Variants in GTF2H4 observed in about 807,000 individuals in gnomAD.
GTF2H4 encodes the protein BTF2 p52.
GTF2H4 carries 49 observed loss-of-function variants against 62.2 expected under a neutral mutation model. That is an observed-to-expected ratio of 0.79 (90% confidence interval 0.63 to 1.00). GTF2H4 has a LOEUF of 1.00. Ranked by LOEUF, GTF2H4 falls within the 50% of genes least tolerant of loss-of-function variation. The pLI is 0.00. For missense variants in GTF2H4, 479 were observed against 587.8 expected (o/e 0.81, Z 1.91); for synonymous variants, 189 against 233.8 (o/e 0.81, Z 1.75).
Position 30,914,019 on chromosome 6 carries a change from G to GGT in GTF2H4, c.*36_*37insGT. 2.3e-6 allele frequency: 3 copies of GGT among 1,329,164 alleles called. No individual in the cohort carries two copies. The highest frequency in any genetic ancestry group is 3.2e-6 in the Non-Finnish European group (3 of 947,420). The allele number at this position is 1,329,164 out of a possible 1,614,324, so 82.3% of individuals were successfully genotyped here. On this transcript the variant is annotated 3_prime_UTR_variant, in exon 14 of 14. Coordinates refer to ENST00000259895, the MANE Select transcript of GTF2H4 (RefSeq NM_001517.5). ...CTTGGACACGGACCTCGGCGGGCGG[G>GGT]ACTGGGCGGGGCGGGGCATCAGAAC...
In GTF2H4 at chr6:30,910,459, A is replaced by G; in HGVS notation, c.375-206A>G. ...ATTCTCCTGCCTCAGCCTCCTGAGT[A>G]GCTGGGATTACAGGCACCCACCACG... is the stretch of plus-strand genomic sequence containing the variant. On this transcript the variant is annotated intron_variant, in intron 4 of 13. Transcript: ENST00000259895. This position sits in a 1 kb window ranked among gnomAD's most constrained non-coding sequence, Gnocchi z 4.7. 6.5e-6 allele frequency: 4 copies of G among 615,058 alleles called. No individual in the cohort carries two copies. The highest frequency in any genetic ancestry group is 1.2e-5 in the Non-Finnish European group (4 of 340,702). 38.1% of individuals were successfully genotyped at this position (615,058 alleles called of 1,614,324 possible).
rs751297131 is a variant in GTF2H4, at chr6:30,913,881, C to T, written c.1287C>T (p.Gly429=). The T allele has an allele frequency of 5.6e-6, 9 of 1,609,428 alleles. No homozygotes were observed. In the Admixed American group the frequency reaches 1.2e-4, roughly 21 times the overall value. The change falls in exon 14 of 14, where the codon GGC becomes GGT. Residue 429 remains glycine (G), a synonymous_variant. Transcript: ENST00000259895. This position sits in a 1 kb window ranked among gnomAD's most constrained non-coding sequence, Gnocchi z 4.2. ...ELLLAHAREL[G]VLVFENSAKR... Reference sequence around the variant, plus strand: ...TGCTGGCCCACGCGCGGGAGCTGGGCGTGCTCGTGTTCGAGAACTCGGCCA... The same window carrying T: ...TGCTGGCCCACGCGCGGGAGCTGGGTGTGCTCGTGTTCGAGAACTCGGCCA...
Position 30,911,753 on chromosome 6 carries a change from G to C in GTF2H4, c.811G>C (p.Val271Leu), listed in dbSNP as rs1259585497. The C allele has an allele frequency of 6.2e-7, 1 of 1,612,834 alleles. No homozygotes were observed. The highest frequency in any genetic ancestry group is 1.1e-5 in the South Asian group (1 of 91,078). ...GCAACATCTGCGTGAGTTTGGGCTT[G>C]TTTTCCAGAGGAAGGTATGAGCGCC... The part of the protein sequence containing the change: ...FLQHLREFGL[V>L]FQRKRKSRRY... The change falls in exon 9 of 14, where the codon GTT becomes CTT. Residue 271 changes from valine to leucine, a missense_variant. Transcript: ENST00000259895. The surrounding 1 kb of genome is among the most constrained non-coding windows in gnomAD (Gnocchi z 4.3).
rs543859169 is a variant in GTF2H4, at chr6:30,912,678, G to A, written c.1089+220G>A. ...AGGTATAGATCTGGATTTGTGCCTC[G>A]GCACTGCCACATCCTAACTGCGTAA... On this transcript the variant is annotated intron_variant, in intron 11 of 13. Coordinates refer to ENST00000259895, the MANE Select transcript of GTF2H4 (RefSeq NM_001517.5). This position sits in a 1 kb window ranked among gnomAD's most constrained non-coding sequence, Gnocchi z 4.8. Among the ~76,000 whole-genome samples the A allele has an allele frequency of 1.3e-5, 2 of 152,156 alleles. No individual in the cohort carries two copies. The highest frequency in any genetic ancestry group is 2.9e-5 in the Non-Finnish European group (2 of 67,984).
At position 30,912,557 on chromosome 6, in the gene GTF2H4, A is replaced by G; in HGVS notation, c.1089+99A>G. ...GGAAGGCTAGCTCTGAGTCTGTTAT[A>G]ATAGGTGGTGGTGAGTTGTCTGTGT... is the stretch of plus-strand genomic sequence containing the variant. On this transcript the variant is annotated intron_variant, in intron 11 of 13. Transcript: ENST00000259895. The surrounding 1 kb of genome is among the most constrained non-coding windows in gnomAD (Gnocchi z 4.8). The G allele has an allele frequency of 2.7e-6, 4 of 1,457,834 alleles. No individual in the cohort carries two copies. The highest frequency in any genetic ancestry group is 3.8e-6 in the Non-Finnish European group (4 of 1,060,556). 90.3% of individuals were successfully genotyped at this position (1,457,834 alleles called of 1,614,324 possible).
rs143011675 is a variant in GTF2H4 at position 30,911,224 on chromosome 6, G to A, written c.627G>A (p.Pro209=). The part of the protein sequence containing the change: ...AGFQFLLLDT[P]AQLWYFMLQY... Reference sequence around the variant, plus strand: ...TCCAGTTCCTGTTGCTGGACACCCCGGCTCAGCTCTGGTACTTTATGTTGC... The same window carrying A: ...TCCAGTTCCTGTTGCTGGACACCCCAGCTCAGCTCTGGTACTTTATGTTGC... The change falls in exon 7 of 14, where the codon CCG becomes CCA. Residue 209 remains proline (P), a synonymous_variant. Transcript: ENST00000259895. This position sits in a 1 kb window ranked among gnomAD's most constrained non-coding sequence, Gnocchi z 4.3. The A allele has an allele frequency of 5.7e-4, 917 of 1,613,660 alleles. 4 individuals are homozygous for A. The African/African-American group carries it at 7.3e-3, about 13-fold the overall frequency.
In GTF2H4 at chr6:30,912,938, G is replaced by A. The variant is rs1053382209; in HGVS notation, c.1090-172G>A. On this transcript the variant is annotated intron_variant, in intron 11 of 13. Transcript: ENST00000259895. The surrounding 1 kb of genome is among the most constrained non-coding windows in gnomAD (Gnocchi z 4.8). ...ATGTGCCAGAAAAGGAATATCCCACGTTGCTGGGAGCAGCAACGTGGGATA... is the reference window on the plus strand; with the variant it reads ...ATGTGCCAGAAAAGGAATATCCCACATTGCTGGGAGCAGCAACGTGGGATA... Among the ~76,000 whole-genome samples the A allele has an allele frequency of 2.6e-4, 40 of 152,148 alleles. 1 individual carries two copies. Among genetic ancestry groups the A allele is most frequent in the African/African-American group, 7.2e-5 (3 of 41,418 alleles).
At position 30,913,843 on chromosome 6, in the gene GTF2H4, G is replaced by C; in HGVS notation, c.1249G>C (p.Asp417His). ...VLYNQFLSQV[D>H]FELLLAHARE... ...GTATAACCAGTTCCTGTCGCAAGTG[G>C]ACTTTGAGCTGCTGCTGGCCCACGC... The change falls in exon 14 of 14, where the codon GAC becomes CAC. Residue 417 changes from aspartate (D) to histidine (H), a missense_variant. Physicochemically the swap from Asp to His is moderately conservative, Grantham distance 81. Transcript: ENST00000259895. This position sits in a 1 kb window ranked among gnomAD's most constrained non-coding sequence, Gnocchi z 4.2. 1 of 1,603,584 alleles carries C rather than the reference G, an allele frequency of 6.2e-7. No homozygotes were observed. The highest frequency in any genetic ancestry group is 8.5e-7 in the Non-Finnish European group (1 of 1,174,824).
Position 30,911,914 on chromosome 6 carries a change from G to T in GTF2H4, c.826-100G>T, listed in dbSNP as rs555924064. On this transcript the variant is annotated intron_variant, in intron 9 of 13. Transcript: ENST00000259895. The surrounding 1 kb of genome is among the most constrained non-coding windows in gnomAD (Gnocchi z 4.3). ...GGTCTCTCGGGGGAGAGAAGTTGGG[G>T]GTTGAGGTTCTGCATCTTGGGAGGG... 4.1e-4 allele frequency: 606 copies of T among 1,486,726 alleles called. 4 individuals carry two copies. Among genetic ancestry groups the T allele is most frequent in the East Asian group, 1.8e-4 (8 of 44,234 alleles). The allele number at this position is 1,486,726 out of a possible 1,614,324, so 92.1% of individuals were successfully genotyped here.
In GTF2H4 at chr6:30,912,886, AAAAC is replaced by A. The variant is rs957889306; in HGVS notation, c.1090-220_1090-217del. Among the ~76,000 whole-genome samples the A allele has an allele frequency of 6.6e-6, 1 of 152,184 alleles. No homozygotes were observed. The highest frequency in any genetic ancestry group is 6.5e-5 in the Admixed American group (1 of 15,280). On this transcript the variant is annotated intron_variant, in intron 11 of 13. Coordinates refer to ENST00000259895, the MANE Select transcript of GTF2H4 (RefSeq NM_001517.5). This position sits in a 1 kb window ranked among gnomAD's most constrained non-coding sequence, Gnocchi z 4.8. ...TAGCTGCTGCTATTTTAAAGAAAGAAAAACAAAACATTACTGGAAAGGGCGAATG... is the reference window on the plus strand; with the variant it reads ...TAGCTGCTGCTATTTTAAAGAAAGAAAAAACATTACTGGAAAGGGCGAATG...
Position 30,912,273 on chromosome 6 carries a change from G to A in GTF2H4, c.959-55G>A, listed in dbSNP as rs1031869526. On this transcript the variant is annotated intron_variant, in intron 10 of 13. Coordinates refer to ENST00000259895, the MANE Select transcript of GTF2H4 (RefSeq NM_001517.5). This position sits in a 1 kb window ranked among gnomAD's most constrained non-coding sequence, Gnocchi z 4.8. ...CTCATGACACTTGAAAGAAGGGCTT[G>A]AGGGAGTCTGGGTGTGGGGGTGGCC... 3 of 1,608,272 alleles carry A rather than the reference G, an allele frequency of 1.9e-6. No homozygotes were observed. The highest frequency in any genetic ancestry group is 2.7e-5 in the African/African-American group (2 of 74,828).
chr6:30,909,841 C>A lies in GTF2H4; in HGVS notation c.243-91C>A. 1.6e-6 allele frequency: 2 copies of A among 1,277,242 alleles called. No individual in the cohort carries two copies. Among genetic ancestry groups the A allele is most frequent in the South Asian group, 1.4e-5 (1 of 71,098 alleles). The allele number at this position is 1,277,242 out of a possible 1,614,324, so 79.1% of individuals were successfully genotyped here. A position where few individuals can be genotyped will look rare whatever the true frequency, so the allele number is the denominator to read the frequency against. On this transcript the variant is annotated intron_variant, in intron 3 of 13. Coordinates refer to ENST00000259895, the MANE Select transcript of GTF2H4 (RefSeq NM_001517.5). The surrounding 1 kb of genome is among the most constrained non-coding windows in gnomAD (Gnocchi z 4.3). Reference sequence around the variant, plus strand: ...CTCTGTGGAACAGTGTTCCAAGGGTCAGCAAGTTCAGAACAGGCAGAGATG... The same window carrying A: ...CTCTGTGGAACAGTGTTCCAAGGGTAAGCAAGTTCAGAACAGGCAGAGATG...
chr6:30,914,003 G>C lies in GTF2H4; in HGVS notation c.*20G>C. ...TCCTGAGAGCGCGGGACTTGGACAC[G>C]GACCTCGGCGGGCGGGACTGGGCGG... On this transcript the variant is annotated 3_prime_UTR_variant, in exon 14 of 14. Transcript: ENST00000259895. 6.4e-7 allele frequency: 1 copy of C among 1,569,058 alleles called. No homozygotes were observed. Among genetic ancestry groups the C allele is most frequent in the Non-Finnish European group, 8.7e-7 (1 of 1,155,562 alleles).
chr6:30,909,332 A>ATT lies in GTF2H4; in HGVS notation c.138-103_138-102insTT, dbSNP rs1327986238. 1 of 1,226,786 alleles carries ATT rather than the reference A, an allele frequency of 8.2e-7. No homozygotes were observed. Among genetic ancestry groups the ATT allele is most frequent in the Non-Finnish European group, 1.2e-6 (1 of 859,940 alleles). 76.0% of individuals were successfully genotyped at this position (1,226,786 alleles called of 1,614,324 possible). On this transcript the variant is annotated intron_variant, in intron 2 of 13. Coordinates refer to ENST00000259895, the MANE Select transcript of GTF2H4 (RefSeq NM_001517.5). The surrounding 1 kb of genome is among the most constrained non-coding windows in gnomAD (Gnocchi z 4.3). ...GAGGCCAAAACAGCAGGACTGGTAA[A>ATT]GTTGTGCTGGAGTGAGATGAGATGT...
intron 1 of GTF2H4, 96 bp from the exon 2 acceptor site, chr6:30,908,938 A>G (rs769440806): frequency 1.1e-5 from 15 of 1,372,376 alleles, no homozygotes; most frequent in Non-Finnish European, 1.5e-5. Context: ...AGGTGGGGTT[A>G]TTGTGGGGAC....
chr6:30,908,974 G>C, intron 1 of GTF2H4, 60 bp from the exon 2 acceptor site: 2 of 1,596,652 alleles, frequency 1.3e-6, no homozygotes, highest in Non-Finnish European at 1.7e-6. Context: ...CAGTTAGAAA[G>C]GTCAGGGGTG....
Position 30,913,158 on chromosome 6 carries a change from G to C in GTF2H4, c.1137+1G>C. ...AGCCCACCCAGTGATGCTCAAACAG[G>C]TATAGACAGGCTCCAAGATGTCAGA... On this transcript the variant is annotated splice_donor_variant, in intron 12 of 13. Coordinates refer to ENST00000259895, the MANE Select transcript of GTF2H4 (RefSeq NM_001517.5). LOFTEE classifies it high-confidence loss of function. The surrounding 1 kb of genome is among the most constrained non-coding windows in gnomAD (Gnocchi z 4.2). 1 of 1,614,046 alleles carries C rather than the reference G, an allele frequency of 6.2e-7. No individual in the cohort carries two copies. Among genetic ancestry groups the C allele is most frequent in the Non-Finnish European group, 8.5e-7 (1 of 1,179,962 alleles).
chr6:30,908,766 C>A (rs1245220406), intron 1 of GTF2H4, among the ~76,000 whole-genome samples: 1 of 152,116 alleles, frequency 6.6e-6, no homozygotes, highest in Non-Finnish European at 1.5e-5. Context: ...ACAAAATGAT[C>A]TTGCAAACAC....
In GTF2H4 at chr6:30,911,875, G is replaced by T. The variant is rs1793775780; in HGVS notation, c.825+108G>T. 2.8e-6 allele frequency: 4 copies of T among 1,407,264 alleles called. No homozygotes were observed. In the African/African-American group the frequency reaches 4.2e-5, roughly 15 times the overall value. 87.2% of individuals were successfully genotyped at this position (1,407,264 alleles called of 1,614,324 possible). A position where few individuals can be genotyped will look rare whatever the true frequency, so the allele number is the denominator to read the frequency against. ...GGGCAGTAGCAGGAAGCAGTTGCCAGAACTGAATACTTGGGTCTCTCGGGG... is the reference window on the plus strand; with the variant it reads ...GGGCAGTAGCAGGAAGCAGTTGCCATAACTGAATACTTGGGTCTCTCGGGG... On this transcript the variant is annotated intron_variant, in intron 9 of 13. Coordinates refer to ENST00000259895, the MANE Select transcript of GTF2H4 (RefSeq NM_001517.5). The surrounding 1 kb of genome is among the most constrained non-coding windows in gnomAD (Gnocchi z 4.3).
Sources: gnomAD v4.1 joint callset for allele counts (sites outside exome capture counted in the v4.1 genomes callset) on GRCh38, gnomAD v4.1.1 for gene constraint, Gnocchi (gnomAD v3.1) non-coding constraint, MANE v1.5 for transcripts, NCBI Gene and HGNC (gene_info 2026-07-23, HGNC 2026-07-21) for gene names.